PIP5K1B: variants seen among roughly 807,000 people sequenced by gnomAD.
The protein encoded by PIP5K1B is phosphatidylinositol 4-phosphate 5-kinase type-1 beta.
PIP5K1B carries 42 observed loss-of-function variants against 67.0 expected under a neutral mutation model. The observed-to-expected ratio is 0.63, with a 90% CI of 0.49 to 0.81. The LOEUF (loss-of-function observed/expected upper bound fraction) is 0.81. Among genes scored for constraint, PIP5K1B ranks in the 30% least tolerant of loss-of-function variants. The probability of loss-of-function intolerance (pLI) is 0.00; values close to 1 mark genes in which losing one functional copy is unlikely to be tolerated. For synonymous variants in PIP5K1B, 214 were observed against 231.4 expected, an observed-to-expected ratio of 0.92 and a Z score of 0.68; for missense variants, 459 against 646.3, an observed-to-expected ratio of 0.71 and a Z score of 3.14.
intron 3 of PIP5K1B, among the ~76,000 whole-genome samples, chr9:68,819,388 C>T (rs1833617211): frequency 6.6e-6 from 1 of 152,292 alleles, no homozygotes; most frequent in African/African-American, 2.4e-5. Context: ...ATCCTCCCAC[C>T]TCAGCCTCCT....
intron 2 of PIP5K1B, among the ~76,000 whole-genome samples, chr9:68,815,729 T>G (rs1478012936): frequency 6.6e-6 from 1 of 152,106 alleles, no homozygotes; most frequent in Non-Finnish European, 1.5e-5. Context: ...CTGATAAAGA[T>G]GGCCACAACG....
chr9:68,966,742 AC>A (rs1829054035), intron 14 of PIP5K1B: 1 of 152,238 alleles, frequency 6.6e-6, no homozygotes, highest in South Asian at 2.1e-4. Context: ...TTAGTTATAA[AC>A]AAAAAGGCAT....
intron 15 of PIP5K1B, among the ~76,000 whole-genome samples, chr9:69,004,563 A>T (rs1830987862): frequency 6.6e-6 from 1 of 152,174 alleles, no homozygotes; most frequent in African/African-American, 2.4e-5. Context: ...CTCTACACCC[A>T]TTCGGTCAGG....
At chr9:68,874,696 G>A (rs1361105301) in intron 5 of PIP5K1B, among the ~76,000 whole-genome samples, 1 of 152,094 alleles carries the variant, frequency 6.6e-6, no homozygotes. Flanking sequence ...GTGGAACATG[G>A]GTGTTTTATC....
chr9:68,991,862 A>G (rs748562692), intron 15 of PIP5K1B, among the ~76,000 whole-genome samples: 3 of 152,182 alleles, frequency 2.0e-5, no homozygotes, highest in African/African-American at 7.2e-5. Flanking sequence ...GAACTGTTAG[A>G]TAATGCCTAG....
At chr9:69,000,693 T>C (rs938592417) in intron 15 of PIP5K1B, among the ~76,000 whole-genome samples, 1 of 152,228 alleles carries the variant, frequency 6.6e-6, no homozygotes, top group Non-Finnish European at 1.5e-5. Context: ...GCCCAACCTG[T>C]GGCCTCGTTT....
intron 14 of PIP5K1B, among the ~76,000 whole-genome samples, chr9:68,946,559 A>AT (rs200417369): frequency 0.034 from 5,056 of 150,556 alleles, 89 homozygotes; most frequent in Middle Eastern, 0.051. Flanking sequence ...CGCCCGGCTA[A>AT]TTTTTTTTTA....
intron 2 of PIP5K1B, among the ~76,000 whole-genome samples, chr9:68,759,153 CA>C (rs1830074444): frequency 6.6e-6 from 1 of 152,004 alleles, no homozygotes; most frequent in South Asian, 2.1e-4. Flanking sequence ...GGAATGAAGG[CA>C]GAAAAATAGA....
chr9:68,946,121 A>G (rs1827792461), intron 14 of PIP5K1B, among the ~76,000 whole-genome samples: 1 of 152,226 alleles, frequency 6.6e-6, no homozygotes, highest in Admixed American at 6.5e-5. Flanking sequence ...AAAATCCTAT[A>G]TCTTCTGTTG....
chr9:68,836,788 T>C (rs1300458262), intron 4 of PIP5K1B, among the ~76,000 whole-genome samples: 1 of 152,236 alleles, frequency 6.6e-6, no homozygotes, highest in Non-Finnish European at 1.5e-5. Context: ...GGGAAGGCTG[T>C]CTTACCAGAA....
intron 14 of PIP5K1B, among the ~76,000 whole-genome samples, chr9:68,987,880 C>T (rs1427349376): frequency 6.6e-6 from 1 of 152,158 alleles, no homozygotes; most frequent in African/African-American, 2.4e-5. Flanking sequence ...TAATTATCTC[C>T]CACCAGGTCC....
intron 2 of PIP5K1B, among the ~76,000 whole-genome samples, chr9:68,750,639 G>A (rs1380339974): frequency 6.6e-6 from 1 of 152,230 alleles, no homozygotes; most frequent in Admixed American, 6.5e-5. Context: ...TGGAGACACA[G>A]CAGTGAATAA....
chr9:68,894,734 A>T, intron 8 of PIP5K1B, 96 bp downstream of exon 8: 1 of 1,172,538 alleles, frequency 8.5e-7, no homozygotes, highest in Non-Finnish European at 1.2e-6. Flanking sequence ...GGAATGTCCA[A>T]AGTGGCAGAC....
intron 14 of PIP5K1B, among the ~76,000 whole-genome samples, chr9:68,972,508 G>C (rs1328290254): frequency 6.6e-6 from 1 of 152,152 alleles, no homozygotes; most frequent in Non-Finnish European, 1.5e-5. Context: ...GGGTGTGGTG[G>C]TGTGTGCCTG....
At chr9:68,931,166 A>T (rs1826974995) in intron 12 of PIP5K1B, among the ~76,000 whole-genome samples, 1 of 152,208 alleles carries the variant, frequency 6.6e-6, no homozygotes, top group Non-Finnish European at 1.5e-5. Flanking sequence ...AAATCCTATA[A>T]TATTTCCTGG....
chr9:68,990,569 C>T (rs1417745818), intron 14 of PIP5K1B, among the ~76,000 whole-genome samples: 1 of 150,138 alleles, frequency 6.7e-6, no homozygotes, highest in African/African-American at 2.5e-5. Flanking sequence ...TCCCACCACT[C>T]ACAAGGCATG....
At chr9:69,004,348 TGTGTG>T (rs1830970438) in intron 15 of PIP5K1B, among the ~76,000 whole-genome samples, 1 of 151,066 alleles carries the variant, frequency 6.6e-6, no homozygotes, top group South Asian at 2.1e-4. Context: ...TGTGTGTGTG[TGTGTG>T]TGTGTGTGTG....
chr9:69,002,665 A>G (rs1830874869), intron 15 of PIP5K1B, among the ~76,000 whole-genome samples: 1 of 152,160 alleles, frequency 6.6e-6, no homozygotes, highest in African/African-American at 2.4e-5. Flanking sequence ...CCCAGAACCC[A>G]AAGGTGATAC....
In PIP5K1B at chr9:68,980,579, C is replaced by G. The variant is rs374168240; in HGVS notation, c.1503-10561C>G. ...TTTGCTTATCCCAAAGAGCTTTACCCTCTCTTGGCCTTTCTTTCTCTTGTA... is the reference window on the plus strand; with the variant it reads ...TTTGCTTATCCCAAAGAGCTTTACCGTCTCTTGGCCTTTCTTTCTCTTGTA... On this transcript the variant is annotated intron_variant, in intron 14 of 15. Coordinates refer to ENST00000265382, the MANE Select transcript of PIP5K1B (RefSeq NM_003558.4). Among the ~76,000 whole-genome samples the G allele has an allele frequency of 2.3e-4, 35 of 152,324 alleles. No homozygotes were observed. The East Asian group carries it at 6.2e-3, about 27-fold the overall frequency.
Sources: allele counts gnomAD v4.1 joint callset (sites outside exome capture counted in the v4.1 genomes callset), GRCh38; gene constraint gnomAD v4.1.1; transcripts MANE v1.5; gene names NCBI Gene and HGNC (gene_info 2026-07-23, HGNC 2026-07-21).